INPP5B: variants seen among roughly 807,000 people sequenced by gnomAD.
INPP5B encodes the protein type II inositol 1,4,5-trisphosphate 5-phosphatase.
In INPP5B, 90 loss-of-function variants were observed where a neutral mutation model predicts 118.5. That is an observed-to-expected ratio of 0.76 (90% confidence interval 0.64 to 0.90). INPP5B has a LOEUF of 0.90. INPP5B is among the 40% of genes least tolerant of loss of function. The probability of loss-of-function intolerance (pLI) is 0.00; values close to 1 mark genes in which losing one functional copy is unlikely to be tolerated. For missense variants in INPP5B, 984 were observed against 1,125.6 expected, an observed-to-expected ratio of 0.87 and a Z score of 1.80; for synonymous variants, 385 against 418.9, an observed-to-expected ratio of 0.92 and a Z score of 0.99.
intron 16 of INPP5B, among the ~76,000 whole-genome samples, chr1:37,876,107 G>GTT (rs58127949): frequency 1.1e-4 from 14 of 122,158 alleles, no homozygotes; most frequent in African/African-American, 1.8e-4. Flanking sequence ...TCTCAAGTTT[G>GTT]TTTTTTTTTT....
Position 37,946,278 on chromosome 1 carries a change from G to T in INPP5B, c.31C>A (p.Leu11Met), listed in dbSNP as rs376153586. The T allele has an allele frequency of 6.2e-7, 1 of 1,612,056 alleles. No homozygotes were observed. The highest frequency in any genetic ancestry group is 1.7e-5 in the Admixed American group (1 of 59,742). Reference protein sequence around the residue: MDQSVAIQETLAEGEYCVIAV... With the variant: MDQSVAIQETMAEGEYCVIAV... ...ATGACGCAGTATTCCCCCTCAGCCA[G>T]CGTCTCCTGGATTGCCACAGACTGG... The change falls in exon 2 of 24, where the codon CTG becomes ATG. Residue 11 changes from leucine to methionine, a missense_variant. Leu to Met is a conservative substitution (Grantham distance 15). Transcript: ENST00000373024.
intron 5 of INPP5B, among the ~76,000 whole-genome samples, chr1:37,942,804 G>A (rs1645981096): frequency 1.3e-5 from 2 of 151,822 alleles, no homozygotes; most frequent in Admixed American, 6.6e-5. Flanking sequence ...AGCTACTTGG[G>A]AAGCAGAGGC....
At chr1:37,945,717 C>G (rs1646085944) in intron 3 of INPP5B, 39 bp downstream of exon 3, 1 of 1,503,906 alleles carries the variant, frequency 6.6e-7, no homozygotes, top group Admixed American at 1.7e-5. Flanking sequence ...ATGAACAACC[C>G]CATGGCCCAG....
chr1:37,935,030 T>C (rs1645631627), intron 6 of INPP5B, among the ~76,000 whole-genome samples: 1 of 150,632 alleles, frequency 6.6e-6, no homozygotes, highest in South Asian at 2.1e-4. Flanking sequence ...AAACCCCGTC[T>C]CTACTAAAAA....
intron 7 of INPP5B, among the ~76,000 whole-genome samples, chr1:37,920,900 A>T (rs1009965568): frequency 6.6e-6 from 1 of 151,930 alleles, no homozygotes; most frequent in African/African-American, 2.4e-5. Context: ...AGGTCAGGAG[A>T]TCGAGACCAT....
At chr1:37,939,348 G>C (rs1027630449) in intron 6 of INPP5B, among the ~76,000 whole-genome samples, 1 of 151,720 alleles carries the variant, frequency 6.6e-6, no homozygotes, top group East Asian at 2.0e-4. Flanking sequence ...TGGGCAACAA[G>C]AGCAAAACTC....
At chr1:37,927,745 G>T (rs1322411929) in intron 7 of INPP5B, among the ~76,000 whole-genome samples, 2 of 152,032 alleles carry the variant, frequency 1.3e-5, no homozygotes, top group East Asian at 3.9e-4. Flanking sequence ...CACCATGTTA[G>T]CCAGGATGGT....
chr1:37,934,712 G>A (rs1414282540), intron 6 of INPP5B, among the ~76,000 whole-genome samples: 2 of 152,140 alleles, frequency 1.3e-5, no homozygotes, highest in Non-Finnish European at 2.9e-5. Flanking sequence ...TTCTCTGCTG[G>A]TTACCCCAGG....
chr1:37,868,450 C>G (rs1314463812), intron 20 of INPP5B, 51 bp downstream of exon 20: 4 of 1,245,372 alleles, frequency 3.2e-6, no homozygotes, highest in Non-Finnish European at 3.5e-6. Context: ...GGCTGATGGT[C>G]CTCAAGGCAG....
chr1:37,889,638 T>C lies in INPP5B; in HGVS notation c.716A>G (p.Gln239Arg). 1 of 1,613,790 alleles carries C rather than the reference T, an allele frequency of 6.2e-7. No individual in the cohort carries two copies. Among genetic ancestry groups the C allele is most frequent in the Non-Finnish European group, 8.5e-7 (1 of 1,179,680 alleles). Residue 239 changes from glutamine (Q) to arginine (R), a missense_variant, in exon 9 of 24, where the codon CAG becomes CGG. This residue lies in a region of INPP5B where 350 missense variants were observed against 334.6 expected (regional missense o/e 1.05). Transcript: ENST00000373024. ...VSDKAHILSM[Q>R]KFGLRDTIVK... ...AATTGTATCTCGCAGTCCAAACTTCTGCATGGATAAAATATGAGCCTTGTC... is the reference window on the plus strand; with the variant it reads ...AATTGTATCTCGCAGTCCAAACTTCCGCATGGATAAAATATGAGCCTTGTC...
At chr1:37,896,487 C>G (rs1407423227) in intron 7 of INPP5B, among the ~76,000 whole-genome samples, 1 of 148,556 alleles carries the variant, frequency 6.7e-6, no homozygotes, top group East Asian at 2.1e-4. Context: ...ATCAGCCCCC[C>G]GCCCGGCCAG....
At chr1:37,866,676 A>AT in intron 20 of INPP5B, 133 bp from the exon 21 acceptor site, 1 of 660,590 alleles carries the variant, frequency 1.5e-6, no homozygotes, top group Non-Finnish European at 2.7e-6. Flanking sequence ...CTGACAGATG[A>AT]TCTGATTTAG....
Position 37,882,948 on chromosome 1 carries a change from G to A in INPP5B, c.1320-30C>T, listed in dbSNP as rs189726562. The A allele has an allele frequency of 2.5e-6, 4 of 1,613,758 alleles. No homozygotes were observed. The African/African-American group carries it at 5.3e-5, about 22-fold the overall frequency. On this transcript the variant is annotated intron_variant, in intron 13 of 23. Coordinates refer to ENST00000373024, the MANE Select transcript of INPP5B (RefSeq NM_005540.3). Reference sequence around the variant, plus strand: ...GAGGACAGAGCACAAAGGTAACAGGGTTTAGGAGGAACTTTAACCTGATCT... The same window carrying A: ...GAGGACAGAGCACAAAGGTAACAGGATTTAGGAGGAACTTTAACCTGATCT...
intron 22 of INPP5B, chr1:37,864,701 G>A (rs758196051): frequency 4.1e-6 from 1 of 245,382 alleles, no homozygotes. Flanking sequence ...GACTTACAGA[G>A]GTTAATAACT....
intron 18 of INPP5B, among the ~76,000 whole-genome samples, chr1:37,873,784 T>C (rs1642621204): frequency 1.3e-5 from 2 of 152,216 alleles, no homozygotes; most frequent in Admixed American, 1.3e-4. Context: ...ATGGAACACA[T>C]AAATGACTGA....
intron 3 of INPP5B, 134 bp from the exon 4 acceptor site, chr1:37,944,027 C>T (rs1646031502): frequency 4.4e-6 from 3 of 674,250 alleles, no homozygotes; most frequent in Non-Finnish European, 8.1e-6. Context: ...TAGGCACACT[C>T]CTCATGCCAT....
At chr1:37,934,123 G>A (rs1318816717) in intron 6 of INPP5B, among the ~76,000 whole-genome samples, 2 of 151,774 alleles carry the variant, frequency 1.3e-5, no homozygotes, top group Non-Finnish European at 2.9e-5. Flanking sequence ...TAGTAGAGGC[G>A]AGGTTTCACC....
chr1:37,865,514 G>A lies in INPP5B; in HGVS notation c.2514+247C>T, dbSNP rs1278832791. Among the ~76,000 whole-genome samples the A allele has an allele frequency of 6.6e-5, 10 of 152,282 alleles. No homozygotes were observed. The East Asian group carries it at 7.7e-4, about 12-fold the overall frequency. ...GAGAGAGGATGGGTGATAGATCAAC[G>A]AGACTGGGCACATGGGAGGCAAGGA... On this transcript the variant is annotated intron_variant, in intron 22 of 23. Transcript: ENST00000373024.
chr1:37,931,392 G>A, intron 7 of INPP5B: 2 of 1,439,578 alleles, frequency 1.4e-6, no homozygotes, highest in East Asian at 2.6e-5. Flanking sequence ...GGCAGCGAGT[G>A]GCCCGAGGTC....
Sources: gnomAD v4.1 joint callset for allele counts (sites outside exome capture counted in the v4.1 genomes callset) on GRCh38, gnomAD v4.1.1 for gene constraint, gnomAD v4.1.1 regional missense constraint, MANE v1.5 for transcripts, NCBI Gene and HGNC (gene_info 2026-07-23, HGNC 2026-07-21) for gene names.